TRIM39: variants seen among roughly 807,000 people sequenced by gnomAD.
TRIM39 encodes the protein E3 ubiquitin-protein ligase TRIM39.
A neutral mutation model predicts 53.6 loss-of-function variants in TRIM39; 5 were observed. The ratio of observed to expected loss-of-function variants is 0.09; its 90% confidence interval spans 0.05 to 0.20. The LOEUF is 0.20. Among genes scored for constraint, TRIM39 ranks in the 10% least tolerant of loss-of-function variants. TRIM39 has a pLI of 1.00. For synonymous variants in TRIM39, 196 were observed against 237.6 expected, an observed-to-expected ratio of 0.82 and a Z score of 1.61; for missense variants, 310 against 621.0, an observed-to-expected ratio of 0.50 and a Z score of 5.32.
chr6:30,330,678 A>G lies in TRIM39; in HGVS notation c.454-103A>G, dbSNP rs1295294203. ...CAGATCAAGAGGCAGTAAGATGGCT[A>G]GGAAGCAAATAAATGGTTTAAAACA... is the stretch of plus-strand genomic sequence containing the variant. On this transcript the variant is annotated intron_variant, in intron 3 of 7. Coordinates refer to ENST00000396551, the Ensembl canonical transcript of TRIM39. The G allele has an allele frequency of 4.8e-6, 6 of 1,254,774 alleles. No individual in the cohort carries two copies. In the South Asian group the frequency reaches 7.2e-5, roughly 15 times the overall value. 77.7% of individuals were successfully genotyped at this position (1,254,774 alleles called of 1,614,324 possible).
chr6:30,329,862 C>T, intron 3 of TRIM39, 92 bp downstream of exon 3: 1 of 1,474,774 alleles, frequency 6.8e-7, no homozygotes, highest in Non-Finnish European at 9.0e-7. Context: ...TAAGCTCCTA[C>T]TACTCACTTT....
Position 30,335,802 on chromosome 6 carries a change from C to A in TRIM39, c.607C>A (p.Arg203=). 1 of 1,612,966 alleles carries A rather than the reference C, an allele frequency of 6.2e-7. No homozygotes were observed. Among genetic ancestry groups the A allele is most frequent in the Non-Finnish European group, 8.5e-7 (1 of 1,180,008 alleles). Residue 203 remains arginine (R), a synonymous_variant, in exon 5 of 8, where the codon CGG becomes AGG. Transcript: ENST00000396551. This position sits in a 1 kb window ranked among gnomAD's most constrained non-coding sequence, Gnocchi z 4.7. Reference sequence around the variant, plus strand: ...GAGGGAGTTTGAAGAGCTTCATAGGCGGCTGGATGAAGAGCAGCAGGTGTT... The same window carrying A: ...GAGGGAGTTTGAAGAGCTTCATAGGAGGCTGGATGAAGAGCAGCAGGTGTT...
At chr6:30,341,189 C>T (rs1176099921) in intron 7 of TRIM39, among the ~76,000 whole-genome samples, 1 of 143,480 alleles carries the variant, frequency 7.0e-6, no homozygotes, top group Admixed American at 7.2e-5. Flanking sequence ...GCCTGAGGGA[C>T]AGAGTGAGAT....
At chr6:30,343,011 A>G (rs1028127838) in exon 8 of TRIM39, 2 of 152,758 alleles carry the variant, frequency 1.3e-5, no homozygotes, top group Admixed American at 6.5e-5. Flanking sequence ...GCCTGCCTCT[A>G]TACCAATAAG....
rs1219652621 is a variant in TRIM39 at position 30,339,252 on chromosome 6, G to A, written c.781-656G>A. 2.0e-5 allele frequency among the ~76,000 whole-genome samples: 3 copies of A among 151,700 alleles called. No homozygotes were observed. The highest frequency in any genetic ancestry group is 1.9e-4 in the East Asian group (1 of 5,176). On this transcript the variant is annotated intron_variant, in intron 5 of 7. Transcript: ENST00000396551. This position sits in a 1 kb window ranked among gnomAD's most constrained non-coding sequence, Gnocchi z 4.2. ...CAACCTTTGCCTCCTGTGTTCAAGCGATTCTCCTGCCTCAGCCTCCTGAGT... is the reference window on the plus strand; with the variant it reads ...CAACCTTTGCCTCCTGTGTTCAAGCAATTCTCCTGCCTCAGCCTCCTGAGT...
chr6:30,329,809 G>C, intron 3 of TRIM39, 39 bp downstream of exon 3: 1 of 1,589,336 alleles, frequency 6.3e-7, no homozygotes, highest in South Asian at 1.1e-5. Context: ...TGGGTAAAAA[G>C]GGAGAAGCGG....
At chr6:30,330,300 A>G (rs1015132658) in intron 3 of TRIM39, among the ~76,000 whole-genome samples, 3 of 152,246 alleles carry the variant, frequency 2.0e-5, no homozygotes, top group African/African-American at 7.2e-5. Flanking sequence ...GAACAGAGAT[A>G]TGAATGTGTT....
rs1380185082 is a variant in TRIM39 at position 30,339,972 on chromosome 6, C to G, written c.803+42C>G. 1 of 1,613,748 alleles carries G rather than the reference C, an allele frequency of 6.2e-7. No homozygotes were observed. The highest frequency in any genetic ancestry group is 8.5e-7 in the Non-Finnish European group (1 of 1,179,948). On this transcript the variant is annotated intron_variant, in intron 6 of 7. Coordinates refer to ENST00000396551, the Ensembl canonical transcript of TRIM39. The surrounding 1 kb of genome is among the most constrained non-coding windows in gnomAD (Gnocchi z 4.2). ...TCTCTCTGAGTGAGTTAGGTCTTGGCTTAGAGAGGAGGGGTACAGTCAGGA... is the reference window on the plus strand; with the variant it reads ...TCTCTCTGAGTGAGTTAGGTCTTGGGTTAGAGAGGAGGGGTACAGTCAGGA...
At chr6:30,341,495 G>C in intron 7 of TRIM39, 1 of 783,738 alleles carries the variant, frequency 1.3e-6, no homozygotes. Context: ...AGACTCAAGA[G>C]ATTATTATCT....
At chr6:30,328,624 A>G (rs1460378303) in intron 1 of TRIM39, among the ~76,000 whole-genome samples, 1 of 152,184 alleles carries the variant, frequency 6.6e-6, no homozygotes, top group Non-Finnish European at 1.5e-5. Context: ...GTGATAGAAC[A>G]AAAGTTATGC....
At chr6:30,336,951 A>G (rs1051912356) in intron 5 of TRIM39, among the ~76,000 whole-genome samples, 1 of 152,232 alleles carries the variant, frequency 6.6e-6, no homozygotes, top group African/African-American at 2.4e-5. Flanking sequence ...TTCTTGATCC[A>G]TGGGCTGCCG....
chr6:30,330,421 A>C lies in TRIM39; in HGVS notation c.454-360A>C, dbSNP rs568037454. On this transcript the variant is annotated intron_variant, in intron 3 of 7. Coordinates refer to ENST00000396551, the Ensembl canonical transcript of TRIM39. The stretch of plus-strand genomic sequence containing the variant: ...TTGTAGGTGGACAGAGGTGGATGGG[A>C]GGACAGGTTTAAAGAGAGATATTAG... Among the ~76,000 whole-genome samples, 12 of 152,308 alleles carry C rather than the reference A, an allele frequency of 7.9e-5. No homozygotes were observed. The East Asian group carries it at 2.3e-3, about 29-fold the overall frequency.
At chr6:30,340,468 C>A (rs533132789) in intron 6 of TRIM39, 37 bp from the exon 7 acceptor site, 2 of 1,612,532 alleles carry the variant, frequency 1.2e-6, no homozygotes, top group African/African-American at 2.7e-5. Flanking sequence ...TCTCCCTAAC[C>A]CTGCCCTTTC....
exon 4 of TRIM39, chr6:30,330,831 C>T: frequency 6.2e-7 from 1 of 1,614,152 alleles, no homozygotes; most frequent in Non-Finnish European, 8.5e-7. Flanking sequence ...TGCAGGAGAT[C>T]ACTCGCTGCA....
exon 8 of TRIM39, chr6:30,343,279 G>C (rs1787751788): frequency 1.3e-5 from 2 of 152,628 alleles, no homozygotes; most frequent in Non-Finnish European, 2.9e-5. Context: ...CTAAGGACAG[G>C]GTGGAAGAGG....
At chr6:30,336,536 G>C (rs1422546413) in intron 5 of TRIM39, among the ~76,000 whole-genome samples, 1 of 152,156 alleles carries the variant, frequency 6.6e-6, no homozygotes, top group African/African-American at 2.4e-5. Flanking sequence ...CTGAAGATTG[G>C]GGTGACTGTG....
rs1349169691 is a variant in TRIM39, at chr6:30,335,458, A to C, written c.550-287A>C. The stretch of plus-strand genomic sequence containing the variant: ...CACCTCAGCCTCTCCAGTAGCTGGG[A>C]CTACAGGCATGCACCACCAGACTCA... On this transcript the variant is annotated intron_variant, in intron 4 of 7. Coordinates refer to ENST00000396551, the Ensembl canonical transcript of TRIM39. The surrounding 1 kb of genome is among the most constrained non-coding windows in gnomAD (Gnocchi z 4.7). Among the ~76,000 whole-genome samples, 1 of 152,102 alleles carries C rather than the reference A, an allele frequency of 6.6e-6. No individual in the cohort carries two copies. Among genetic ancestry groups the C allele is most frequent in the Non-Finnish European group, 1.5e-5 (1 of 67,994 alleles).
At chr6:30,330,177 T>C (rs1346125529) in intron 3 of TRIM39, among the ~76,000 whole-genome samples, 4 of 152,236 alleles carry the variant, frequency 2.6e-5, no homozygotes, top group Non-Finnish European at 4.4e-5. Flanking sequence ...TTGAGACTGA[T>C]ACCTACCGGA....
chr6:30,326,706 C>G (rs924964416), exon 1 of TRIM39: 1 of 152,956 alleles, frequency 6.5e-6, no homozygotes, highest in South Asian at 2.1e-4. Context: ...CTCGGGTCAC[C>G]TGGACGCCAG....
Sources: allele counts gnomAD v4.1 joint callset (sites outside exome capture counted in the v4.1 genomes callset), GRCh38; gene constraint gnomAD v4.1.1; non-coding constraint Gnocchi (gnomAD v3.1); transcripts MANE v1.5; gene names NCBI Gene and HGNC (gene_info 2026-07-23, HGNC 2026-07-21).